Variants in GAN observed in about 807,000 individuals in gnomAD.
The protein encoded by GAN is epididymis secretory sperm binding protein.
Under a neutral mutation model 71.3 loss-of-function variants are expected in GAN, and 48 were observed. That is an observed-to-expected ratio of 0.67 (90% CI 0.53 to 0.86). The LOEUF (loss-of-function observed/expected upper bound fraction) is 0.86. Ranked by LOEUF, GAN falls within the 40% of genes least tolerant of loss-of-function variation. GAN has a pLI of 0.00. For missense variants in GAN, 928 were observed against 770.1 expected, an observed-to-expected ratio of 1.21 and a Z score of -2.43; for synonymous variants, 386 against 276.8, an observed-to-expected ratio of 1.39 and a Z score of -3.92.
intron 2 of GAN, among the ~76,000 whole-genome samples, chr16:81,353,817 G>A (rs188216284): frequency 1.6e-4 from 25 of 152,250 alleles, no homozygotes; most frequent in African/African-American, 6.0e-4. Flanking sequence ...TTGTATTAGG[G>A]ATTTATTCCA....
At chr16:81,320,752 C>G (rs1401580852) in intron 1 of GAN, among the ~76,000 whole-genome samples, 2 of 152,080 alleles carry the variant, frequency 1.3e-5, no homozygotes, top group African/African-American at 4.8e-5. Context: ...TCCTTGTACT[C>G]TTATGGTGAT....
Position 81,380,131 on chromosome 16 carries a change from T to C in GAN, c.*2535T>C, listed in dbSNP as rs2150700631. 1 of 152,772 alleles carries C rather than the reference T, an allele frequency of 6.5e-6. No individual in the cohort carries two copies. The highest frequency in any genetic ancestry group is 2.1e-4 in the South Asian group (1 of 4,830). 9.5% of individuals were successfully genotyped at this position (152,772 alleles called of 1,614,324 possible). On this transcript the variant is annotated 3_prime_UTR_variant, in exon 11 of 11. Transcript: ENST00000648994. ...GCTCCAACATTAATCATGACTCTTT[T>C]GTAAATTACAGTTATTTCAGTATTG...
chr16:81,360,893 C>G (rs310035), intron 5 of GAN, among the ~76,000 whole-genome samples: 31,425 of 152,092 alleles, frequency 0.21, 3,511 homozygotes, highest in Non-Finnish European at 0.26. Flanking sequence ...TTTGGTATGT[C>G]TGATATCTGT....
intron 9 of GAN, among the ~76,000 whole-genome samples, chr16:81,366,076 T>G (rs1910848140): frequency 6.6e-6 from 1 of 152,216 alleles, no homozygotes; most frequent in Admixed American, 6.5e-5. Context: ...TCCAGTTAGC[T>G]TGGCCTTTTT....
At chr16:81,364,126 A>AG (rs1490107037) in intron 7 of GAN, among the ~76,000 whole-genome samples, 183 bp downstream of exon 7, 1 of 152,182 alleles carries the variant, frequency 6.6e-6, no homozygotes, top group Non-Finnish European at 1.5e-5. Context: ...TAGGAAAGTG[A>AG]GCGTGTGTGA....
At chr16:81,357,269 G>A (rs1045097279) in intron 4 of GAN, among the ~76,000 whole-genome samples, 22 of 151,918 alleles carry the variant, frequency 1.4e-4, no homozygotes, top group Non-Finnish European at 2.6e-4. Context: ...CCTCCACCCC[G>A]CAACAGTCCC....
At chr16:81,376,358 C>T (rs1022748570) in intron 9 of GAN, among the ~76,000 whole-genome samples, 2 of 152,006 alleles carry the variant, frequency 1.3e-5, no homozygotes, top group African/African-American at 2.4e-5. Flanking sequence ...CTGTGGCTTA[C>T]GCCTGTTATA....
At chr16:81,330,864 A>T (rs1391494581) in intron 1 of GAN, among the ~76,000 whole-genome samples, 2 of 152,330 alleles carry the variant, frequency 1.3e-5, no homozygotes, top group East Asian at 3.9e-4. Context: ...GCCTGATACG[A>T]TATTTCCGTA....
rs1204673719 is a variant in GAN, at chr16:81,365,261, T to G, written c.1374-89T>G. 3.8e-6 allele frequency: 6 copies of G among 1,582,180 alleles called. No homozygotes were observed. In the East Asian group the frequency reaches 1.1e-4, roughly 29 times the overall value. ...GAAAGGAAGGCCCACGTAGTAATGC[T>G]GCAGAGTTAAACCAGCATAAGAGGA... On this transcript the variant is annotated intron_variant, in intron 8 of 10. Coordinates refer to ENST00000648994, the MANE Select transcript of GAN (RefSeq NM_022041.4).
Position 81,379,208 on chromosome 16 carries a change from C to A in GAN, c.*1612C>A, listed in dbSNP as rs959641772. ...ACATGCATATGAAAAACATCACTTA[C>A]GTTCTCCCACCCATAGACATAAAAA... On this transcript the variant is annotated 3_prime_UTR_variant, in exon 11 of 11. Coordinates refer to ENST00000648994, the MANE Select transcript of GAN (RefSeq NM_022041.4). The A allele has an allele frequency of 2.0e-5, 3 of 152,128 alleles. No homozygotes were observed. Among genetic ancestry groups the A allele is most frequent in the African/African-American group, 7.2e-5 (3 of 41,432 alleles). 9.4% of individuals were successfully genotyped at this position (152,128 alleles called of 1,614,324 possible).
chr16:81,319,892 C>G (rs1325121163), intron 1 of GAN, among the ~76,000 whole-genome samples: 1 of 152,160 alleles, frequency 6.6e-6, no homozygotes, highest in Non-Finnish European at 1.5e-5. Context: ...TAGCTCTATG[C>G]TATTTTTGTT....
intron 1 of GAN, among the ~76,000 whole-genome samples, chr16:81,350,816 G>T (rs1910275752): frequency 6.6e-6 from 1 of 152,138 alleles, no homozygotes; most frequent in Admixed American, 6.5e-5. Context: ...ACTGCACCCA[G>T]CCGAAAAATT....
chr16:81,347,700 AT>A (rs1348404987), intron 1 of GAN, among the ~76,000 whole-genome samples: 9 of 152,214 alleles, frequency 5.9e-5, no homozygotes, highest in Admixed American at 1.3e-4. Flanking sequence ...TTCTTTCAGA[AT>A]TTTAAAGTAA....
At position 81,377,502 on chromosome 16, in the gene GAN, G is replaced by T; in HGVS notation, c.1700G>T (p.Arg567Leu). 1 of 1,614,002 alleles carries T rather than the reference G, an allele frequency of 6.2e-7. No individual in the cohort carries two copies. The highest frequency in any genetic ancestry group is 8.5e-7 in the Non-Finnish European group (1 of 1,179,882). ...CCACTCCTTCCATCCGACCTTCGCC[G>T]TACAGGATGTGCAGCCTTACGCATT... ...TKPLLPSDLR[R>L]TGCAALRIAN... The change falls in exon 11 of 11, where the codon CGT becomes CTT. Residue 567 changes from arginine (R) to leucine (L), a missense_variant. Transcript: ENST00000648994.
intron 1 of GAN, among the ~76,000 whole-genome samples, chr16:81,327,588 A>T (rs1216077504): frequency 6.6e-6 from 1 of 150,436 alleles, no homozygotes; most frequent in Non-Finnish European, 1.5e-5. Flanking sequence ...GGATTTATTT[A>T]GGAGGCCTAC....
intron 1 of GAN, among the ~76,000 whole-genome samples, chr16:81,324,263 C>T (rs1909308481): frequency 6.6e-6 from 1 of 152,222 alleles, no homozygotes; most frequent in Non-Finnish European, 1.5e-5. Context: ...GGAGTGCCAG[C>T]ATCCATGGGG....
At chr16:81,340,623 C>T (rs993068543) in intron 1 of GAN, among the ~76,000 whole-genome samples, 1 of 152,088 alleles carries the variant, frequency 6.6e-6, no homozygotes, top group African/African-American at 2.4e-5. Context: ...ACCAAAACCC[C>T]ACCCATAGGT....
rs780131790 is a variant in GAN at position 81,384,988 on chromosome 16, C to T, written c.*7392C>T. 11 of 154,244 alleles carry T rather than the reference C, an allele frequency of 7.1e-5. No homozygotes were observed. The highest frequency in any genetic ancestry group is 1.4e-4 in the African/African-American group (6 of 41,482). The allele number at this position is 154,244 out of a possible 1,614,324, so 9.6% of individuals were successfully genotyped here. On this transcript the variant is annotated 3_prime_UTR_variant, in exon 11 of 11. Coordinates refer to ENST00000648994, the MANE Select transcript of GAN (RefSeq NM_022041.4). ...CTTAAATGGAGGAGTTCAGTGATGC[C>T]GTGGCCAAAAGAGTTATGCCCATTT...
chr16:81,338,723 C>G (rs1164034812), intron 1 of GAN, among the ~76,000 whole-genome samples: 4 of 152,178 alleles, frequency 2.6e-5, no homozygotes, highest in African/African-American at 7.2e-5. Flanking sequence ...TAGAAAGGAA[C>G]GGTGACTGTC....
Sources: allele counts gnomAD v4.1 joint callset (sites outside exome capture counted in the v4.1 genomes callset), GRCh38; gene constraint gnomAD v4.1.1; transcripts MANE v1.5; gene names NCBI Gene and HGNC (gene_info 2026-07-23, HGNC 2026-07-21).